Variants in BACH2 observed in about 807,000 individuals in gnomAD.
The protein encoded by BACH2 is transcription regulator protein BACH2.
Under a neutral mutation model 61.8 loss-of-function variants are expected in BACH2, and 5 were observed. The observed-to-expected ratio is 0.08, with a 90% confidence interval of 0.04 to 0.17. The LOEUF is 0.17. Among genes scored for constraint, BACH2 ranks in the 10% least tolerant of loss-of-function variants. The pLI is 1.00. For missense variants in BACH2, 824 were observed against 1,091.1 expected (o/e 0.76, Z 3.45); for synonymous variants, 446 against 440.1 (o/e 1.01, Z -0.17).
chr6:89,941,458 A>G (rs916907491), intron 7 of BACH2, among the ~76,000 whole-genome samples: 2 of 152,180 alleles, frequency 1.3e-5, no homozygotes, highest in African/African-American at 4.8e-5. Context: ...AGTAGGGCCC[A>G]TGACACCACT....
chr6:90,051,751 T>C (rs761958863), intron 5 of BACH2, among the ~76,000 whole-genome samples: 2 of 152,098 alleles, frequency 1.3e-5, no homozygotes, highest in African/African-American at 2.4e-5. Context: ...ACTTTTTCCT[T>C]TTCTAGTAAC....
chr6:90,099,120 CA>C (rs1782507933), intron 4 of BACH2, among the ~76,000 whole-genome samples: 1 of 151,972 alleles, frequency 6.6e-6, no homozygotes, highest in East Asian at 1.9e-4. Context: ...GTTTTTTCTC[CA>C]AAAGCATACT....
At chr6:90,240,501 C>T (rs1021278340) in intron 3 of BACH2, among the ~76,000 whole-genome samples, 1 of 152,036 alleles carries the variant, frequency 6.6e-6, no homozygotes, top group African/African-American at 2.4e-5. Flanking sequence ...GTCTGCTTTA[C>T]GATATTAAGA....
intron 4 of BACH2, among the ~76,000 whole-genome samples, chr6:90,106,917 G>A (rs989792582): frequency 1.1e-4 from 16 of 152,220 alleles, no homozygotes; most frequent in Admixed American, 9.8e-4. Context: ...GGAGTAAGTG[G>A]TGGCTCCGCC....
intron 3 of BACH2, among the ~76,000 whole-genome samples, chr6:90,224,383 C>T (rs1305040123): frequency 2.0e-5 from 3 of 152,160 alleles, no homozygotes; most frequent in Admixed American, 1.3e-4. Flanking sequence ...CGCTGCCTGG[C>T]ATGTCATCAA....
Position 90,176,804 on chromosome 6 carries a change from C to T in BACH2, c.-162+29765G>A, listed in dbSNP as rs75554115. On this transcript the variant is annotated intron_variant, in intron 4 of 8. Transcript: ENST00000257749. Reference sequence around the variant, plus strand: ...CCTGCCTCCTCCAGTTCATGCTTCACGTAGCCACAGAGTAATCTTTATAGA... The same window carrying T: ...CCTGCCTCCTCCAGTTCATGCTTCATGTAGCCACAGAGTAATCTTTATAGA... 7.1e-3 allele frequency among the ~76,000 whole-genome samples: 1,077 copies of T among 152,244 alleles called. 16 individuals are homozygous for T. The highest frequency in any genetic ancestry group is 0.024 in the African/African-American group (1,003 of 41,526).
intron 3 of BACH2, among the ~76,000 whole-genome samples, chr6:90,222,344 C>T (rs1371255576): frequency 6.6e-6 from 1 of 152,146 alleles, no homozygotes; most frequent in Admixed American, 6.5e-5. Context: ...GAGAAGGCTT[C>T]TGAGGTGGCT....
chr6:89,986,701 T>C (rs1391466742), intron 6 of BACH2, among the ~76,000 whole-genome samples: 3 of 152,218 alleles, frequency 2.0e-5, no homozygotes, highest in Non-Finnish European at 4.4e-5. Context: ...CTGAATTGTA[T>C]ACTTGATCTT....
At chr6:90,063,289 G>C (rs569599950) in intron 5 of BACH2, among the ~76,000 whole-genome samples, 2 of 152,170 alleles carry the variant, frequency 1.3e-5, no homozygotes, top group African/African-American at 4.8e-5. Context: ...GTGTGACAGA[G>C]ATTCTGCCTG....
At chr6:90,047,023 C>T (rs368739193) in intron 5 of BACH2, among the ~76,000 whole-genome samples, 1 of 152,198 alleles carries the variant, frequency 6.6e-6, no homozygotes, top group Non-Finnish European at 1.5e-5. Context: ...CCTCTGCCTC[C>T]GGGTTCAAGC....
chr6:90,294,318 T>C (rs1022017163), intron 1 of BACH2, among the ~76,000 whole-genome samples: 17 of 152,208 alleles, frequency 1.1e-4, no homozygotes, highest in African/African-American at 4.1e-4. Flanking sequence ...CCAATAAAGT[T>C]ATGTTCTAAC....
intron 5 of BACH2, among the ~76,000 whole-genome samples, chr6:90,074,978 C>T (rs376748568): frequency 2.0e-5 from 3 of 152,098 alleles, no homozygotes; most frequent in East Asian, 1.9e-4. Context: ...AAGCTAGTTC[C>T]GTTTTAGATG....
At chr6:90,197,387 A>G (rs1272959623) in intron 4 of BACH2, among the ~76,000 whole-genome samples, 1 of 152,254 alleles carries the variant, frequency 6.6e-6, no homozygotes, top group Non-Finnish European at 1.5e-5. Flanking sequence ...AATTGTTAAT[A>G]TTCTAGAGAT....
chr6:90,253,315 A>G (rs564248158), intron 2 of BACH2, among the ~76,000 whole-genome samples: 197 of 152,354 alleles, frequency 1.3e-3, no homozygotes, highest in African/African-American at 4.5e-3. Flanking sequence ...AACTGGAGAA[A>G]GCAAAAAGGA....
chr6:90,187,050 A>T (rs75480097), intron 4 of BACH2, among the ~76,000 whole-genome samples: 10,365 of 152,282 alleles, frequency 0.068, 442 homozygotes, highest in South Asian at 0.14. Context: ...CTCTATATTA[A>T]GAAGGATGCC....
chr6:90,165,461 T>C (rs369141449), intron 4 of BACH2, among the ~76,000 whole-genome samples: 8,415 of 152,136 alleles, frequency 0.055, 336 homozygotes, highest in South Asian at 0.11. Context: ...AGAATCAATA[T>C]TGTGAAAATG....
At chr6:90,099,480 G>A (rs1248520592) in intron 4 of BACH2, among the ~76,000 whole-genome samples, 1 of 152,210 alleles carries the variant, frequency 6.6e-6, no homozygotes, top group East Asian at 1.9e-4. Context: ...TTGGGCTCAA[G>A]CGATCCTCCG....
intron 4 of BACH2, among the ~76,000 whole-genome samples, chr6:90,108,913 G>C (rs1783044061): frequency 6.6e-6 from 1 of 152,084 alleles, no homozygotes; most frequent in Non-Finnish European, 1.5e-5. Context: ...CTATTCTTGA[G>C]CTCTGGATCC....
chr6:89,988,628 G>A (rs1010921646), intron 6 of BACH2, among the ~76,000 whole-genome samples: 3 of 152,170 alleles, frequency 2.0e-5, no homozygotes, highest in Non-Finnish European at 4.4e-5. Flanking sequence ...AAGAGTTGGA[G>A]GACGCAAGAC....
Sources: allele counts gnomAD v4.1 joint callset (sites outside exome capture counted in the v4.1 genomes callset), GRCh38; gene constraint gnomAD v4.1.1; transcripts MANE v1.5; gene names NCBI Gene and HGNC (gene_info 2026-07-23, HGNC 2026-07-21).